Variants in ABCC5 observed in about 807,000 individuals in gnomAD.
The protein encoded by ABCC5 is ATP binding cassette subfamily C member 5, also known as ATP-binding cassette sub-family C member 5.
ABCC5 carries 61 observed loss-of-function variants against 160.9 expected under a neutral mutation model. The observed-to-expected ratio is 0.38, with a 90% CI of 0.31 to 0.47. The LOEUF (loss-of-function observed/expected upper bound fraction) is 0.47, where lower values mean the gene tolerates loss of function less well. Among genes scored for constraint, ABCC5 ranks in the 20% least tolerant of loss-of-function variants. The probability of loss-of-function intolerance (pLI) is 0.99; values close to 1 mark genes in which losing one functional copy is unlikely to be tolerated. For synonymous variants in ABCC5, 666 were observed against 700.6 expected (o/e 0.95, Z 0.78); for missense variants, 1,308 against 1,813.3 (o/e 0.72, Z 5.06).
chr3:184,005,035 C>T (rs1721067088), intron 2 of ABCC5, among the ~76,000 whole-genome samples: 1 of 152,190 alleles, frequency 6.6e-6, no homozygotes, highest in African/African-American at 2.4e-5. Flanking sequence ...CTCTTTTCAG[C>T]AGCCCAGCAC....
rs1269883626 is a variant in ABCC5, at chr3:183,922,741, AAGG to A, written c.4213-1343_4213-1341del. Among the ~76,000 whole-genome samples the A allele has an allele frequency of 4.6e-5, 7 of 152,240 alleles. No homozygotes were observed. In the South Asian group the frequency reaches 1.2e-3, roughly 27 times the overall value. On this transcript the variant is annotated intron_variant, in intron 29 of 29. Transcript: ENST00000334444. The stretch of plus-strand genomic sequence containing the variant: ...AAAGGCATGGAACATAACCTTGTTT[AAGG>A]AGATGTAAGAGGAAGTCTCCTTGGT...
At chr3:184,014,133 A>C (rs957556711) in intron 2 of ABCC5, 131 bp downstream of exon 2, 2 of 691,168 alleles carry the variant, frequency 2.9e-6, no homozygotes, top group African/African-American at 3.7e-5. Context: ...TCAGCCTCCC[A>C]AAGTGCTGGG....
intron 9 of ABCC5, 68 bp from the exon 10 acceptor site, chr3:183,977,692 G>T: frequency 9.2e-7 from 1 of 1,088,746 alleles, no homozygotes; most frequent in Non-Finnish European, 1.4e-6. Context: ...CTGACACCAT[G>T]AATTTCCTCT....
chr3:184,010,091 G>A, intron 2 of ABCC5: 1 of 301,582 alleles, frequency 3.3e-6, no homozygotes, highest in South Asian at 3.0e-5. Context: ...CGGATCACTT[G>A]AGCTCAGGAG....
At position 183,921,431 on chromosome 3, in the gene ABCC5, C is replaced by T; in HGVS notation, c.4213-30G>A. ...AAAAGAAGGAGACGCCGTCAGGACA[C>T]AGCTCTGGGTCATGCAGGGTGATTC... is the stretch of plus-strand genomic sequence containing the variant. On this transcript the variant is annotated intron_variant, in intron 29 of 29. Coordinates refer to ENST00000334444, the MANE Select transcript of ABCC5 (RefSeq NM_005688.4). The surrounding 1 kb of genome is among the most constrained non-coding windows in gnomAD (Gnocchi z 4.1). 6.2e-7 allele frequency: 1 copy of T among 1,608,066 alleles called. No homozygotes were observed. The highest frequency in any genetic ancestry group is 8.5e-7 in the Non-Finnish European group (1 of 1,177,060).
chr3:183,947,476 A>T lies in ABCC5; in HGVS notation c.3262T>A (p.Phe1088Ile), dbSNP rs1451228883. ...CGCATCGCACACGTAAACAAAAAAA[A>T]AGGAGCTTGGTTGTCATCCAGCAGC... ...QELLDDNQAP[F>I]FLFTCAMRWL... Residue 1088 changes from phenylalanine to isoleucine, a missense_variant, in exon 23 of 30, where the codon TTT becomes ATT. This residue lies in a region of ABCC5 where 1,142 missense variants were observed against 1,527.1 expected (regional missense o/e 0.75). Coordinates refer to ENST00000334444, the MANE Select transcript of ABCC5 (RefSeq NM_005688.4). 6.2e-7 allele frequency: 1 copy of T among 1,606,216 alleles called. No homozygotes were observed. Among genetic ancestry groups the T allele is most frequent in the Non-Finnish European group, 8.5e-7 (1 of 1,175,202 alleles).
chr3:184,007,258 G>A (rs996054250), intron 2 of ABCC5, among the ~76,000 whole-genome samples: 24 of 151,694 alleles, frequency 1.6e-4, no homozygotes, highest in African/African-American at 5.8e-4. Flanking sequence ...CTGACCTTGT[G>A]ATCTGCCCGC....
In ABCC5 at chr3:183,967,716, G is replaced by A. The variant is rs1389526298; in HGVS notation, c.1812C>T (p.Leu604=). 6.2e-7 allele frequency: 1 copy of A among 1,613,688 alleles called. No homozygotes were observed. The change falls in exon 12 of 30, where the codon CTC becomes CTT. Residue 604 remains leucine (L), a synonymous_variant. Transcript: ENST00000334444. ...TTACCTGGCCTAAAATGGCTGAAAT[G>A]AGAGAGGTTTTTCCACTTCCCACAC... ...CGSVGSGKTS[L]ISAILGQMTL... is the part of the protein sequence containing the mutation.
rs1448779399 is a variant in ABCC5, at chr3:183,963,067, C to T, written c.2235+318G>A. Reference sequence around the variant, plus strand: ...AAGCTTGTTTTCCCAAAACAGTTCCCACTTGCATAGAGATGTTAACACAAT... The same window carrying T: ...AAGCTTGTTTTCCCAAAACAGTTCCTACTTGCATAGAGATGTTAACACAAT... On this transcript the variant is annotated intron_variant, in intron 15 of 29. Transcript: ENST00000334444. This position sits in a 1 kb window ranked among gnomAD's most constrained non-coding sequence, Gnocchi z 4.6. Among the ~76,000 whole-genome samples, 1 of 152,178 alleles carries T rather than the reference C, an allele frequency of 6.6e-6. No homozygotes were observed. Among genetic ancestry groups the T allele is most frequent in the East Asian group, 1.9e-4 (1 of 5,184 alleles).
chr3:183,984,717 G>C, intron 5 of ABCC5: 1 of 1,529,114 alleles, frequency 6.5e-7, no homozygotes, highest in East Asian at 2.5e-5. Context: ...ATACAGCCGG[G>C]TTGCTGGTTT....
At position 183,937,883 on chromosome 3, in the gene ABCC5, A is replaced by G; in HGVS notation, c.3854+18T>C. On this transcript the variant is annotated intron_variant, in intron 26 of 29. Transcript: ENST00000334444. ...CCTCTAAGTGACGCACGAGACATGC[A>G]GGTGCTCAGGTCCTCACCTGACAGT... 6.2e-7 allele frequency: 1 copy of G among 1,612,984 alleles called. No individual in the cohort carries two copies. Among genetic ancestry groups the G allele is most frequent in the Non-Finnish European group, 8.5e-7 (1 of 1,179,276 alleles).
intron 2 of ABCC5, among the ~76,000 whole-genome samples, chr3:183,989,652 G>A (rs549824334): frequency 6.7e-6 from 1 of 148,674 alleles, no homozygotes; most frequent in East Asian, 2.0e-4. Flanking sequence ...AGTACAGAAT[G>A]CTCCCATATA....
intron 5 of ABCC5, chr3:183,985,815 G>GATC (rs1460614447): frequency 4.7e-6 from 1 of 210,764 alleles, no homozygotes; most frequent in African/African-American, 2.3e-5. Flanking sequence ...CAAAACCTTG[G>GATC]ATCATCTTGG....
chr3:184,009,431 A>T (rs1721510410), intron 2 of ABCC5, among the ~76,000 whole-genome samples: 1 of 152,084 alleles, frequency 6.6e-6, no homozygotes, highest in South Asian at 2.1e-4. Context: ...TGCTTACTTT[A>T]AAAAAAGAAA....
At position 183,924,010 on chromosome 3, in the gene ABCC5, C is replaced by CTTTTTTTTTTT. The variant is rs200040197; in HGVS notation, c.4212+1534_4212+1544dup. Among the ~76,000 whole-genome samples, 21 of 112,796 alleles carry CTTTTTTTTTTT rather than the reference C, an allele frequency of 1.9e-4. 1 individual carries two copies. Among genetic ancestry groups the CTTTTTTTTTTT allele is most frequent in the East Asian group, 7.5e-4 (3 of 4,026 alleles). The allele number at this position is 112,796 out of a possible 152,430, so 74.0% of individuals were successfully genotyped here. On this transcript the variant is annotated intron_variant, in intron 29 of 29. Transcript: ENST00000334444. The stretch of plus-strand genomic sequence containing the variant: ...AAATCCCACCAATTTTTACTGTTTG[C>CTTTTTTTTTTT]TTTTTTTTTTTTTTTTTTTTTTTGA...
chr3:183,987,627 G>A lies in ABCC5; in HGVS notation c.591+143C>T, dbSNP rs981025250. 1.4e-5 allele frequency: 16 copies of A among 1,119,148 alleles called. No individual in the cohort carries two copies. The highest frequency in any genetic ancestry group is 2.6e-5 in the East Asian group (1 of 38,670). The allele number at this position is 1,119,148 out of a possible 1,614,324, so 69.3% of individuals were successfully genotyped here. On this transcript the variant is annotated intron_variant, in intron 5 of 29. Coordinates refer to ENST00000334444, the MANE Select transcript of ABCC5 (RefSeq NM_005688.4). This position sits in a 1 kb window ranked among gnomAD's most constrained non-coding sequence, Gnocchi z 4.2. ...CTTCCAGCTGTTGCCAAAATCCATC[G>A]ACCCCTTTCAACAGACCTGAAGGCA...
intron 9 of ABCC5, 22 bp from the exon 10 acceptor site, chr3:183,977,646 A>C (rs775592741): frequency 1.3e-6 from 2 of 1,572,338 alleles, no homozygotes; most frequent in Non-Finnish European, 1.7e-6. Context: ...AGAAGAGAAG[A>C]AACTGTGCCT....
At chr3:183,965,728 A>C (rs757319480) in intron 12 of ABCC5, among the ~76,000 whole-genome samples, 1 of 152,200 alleles carries the variant, frequency 6.6e-6, no homozygotes, top group Non-Finnish European at 1.5e-5. Context: ...CATAACTTGA[A>C]GGCAAACACT....
At chr3:184,015,704 G>T (rs1344220255) in intron 1 of ABCC5, among the ~76,000 whole-genome samples, 1 of 145,122 alleles carries the variant, frequency 6.9e-6, no homozygotes, top group South Asian at 2.2e-4. Flanking sequence ...AAAAAAAAAA[G>T]TCACCTTGTC....
Sources: allele counts gnomAD v4.1 joint callset (sites outside exome capture counted in the v4.1 genomes callset), GRCh38; gene constraint gnomAD v4.1.1; regional missense constraint gnomAD v4.1.1; non-coding constraint Gnocchi (gnomAD v3.1); transcripts MANE v1.5; gene names NCBI Gene and HGNC (gene_info 2026-07-23, HGNC 2026-07-21).